SLC12A1: variants seen among roughly 807,000 people sequenced by gnomAD.
SLC12A1 encodes the protein Na-K-2Cl cotransporter.
In SLC12A1, 89 loss-of-function variants were observed where a neutral mutation model predicts 130.4. The observed-to-expected ratio is 0.68, with a 90% CI of 0.58 to 0.81. SLC12A1 has a LOEUF of 0.81. SLC12A1 is among the 40% of genes least tolerant of loss of function. SLC12A1 has a pLI of 0.00. For synonymous variants in SLC12A1, 499 were observed against 460.0 expected, an observed-to-expected ratio of 1.08 and a Z score of -1.09; for missense variants, 1,310 against 1,336.4, an observed-to-expected ratio of 0.98 and a Z score of 0.31.
At chr15:48,228,970 G>A (rs2041331073) in intron 5 of SLC12A1, 1 of 407,322 alleles carries the variant, frequency 2.5e-6, no homozygotes, top group African/African-American at 2.1e-5. Context: ...TAATAGAGTG[G>A]GCTTTATTAA....
chr15:48,294,445 A>G (rs2042154208), intron 24 of SLC12A1, among the ~76,000 whole-genome samples: 1 of 152,080 alleles, frequency 6.6e-6, no homozygotes, highest in Non-Finnish European at 1.5e-5. Flanking sequence ...TTACTTTGTG[A>G]TATTTCTTTA....
chr15:48,299,650 C>T (rs1241003488), intron 25 of SLC12A1, among the ~76,000 whole-genome samples: 2 of 152,158 alleles, frequency 1.3e-5, no homozygotes, highest in African/African-American at 2.4e-5. Flanking sequence ...ATAAGAAATA[C>T]TTTTAACCTG....
intron 2 of SLC12A1, among the ~76,000 whole-genome samples, chr15:48,213,461 T>C (rs558218965): frequency 1.1e-3 from 171 of 152,222 alleles, no homozygotes; most frequent in African/African-American, 4.0e-3. Context: ...AGAGTTTCTG[T>C]GTAAAGTGAG....
chr15:48,249,716 G>C lies in SLC12A1; in HGVS notation c.1786+40G>C, dbSNP rs769575831. 3.6e-6 allele frequency: 5 copies of C among 1,383,376 alleles called. No homozygotes were observed. The Admixed American group carries it at 5.0e-5, about 14-fold the overall frequency. 85.7% of individuals were successfully genotyped at this position (1,383,376 alleles called of 1,614,324 possible). ...AAACTAAAATATGCCTAAGCAAACAGTTAGTTTGTCTCAATAAAACGAAAT... is the reference window on the plus strand; with the variant it reads ...AAACTAAAATATGCCTAAGCAAACACTTAGTTTGTCTCAATAAAACGAAAT... On this transcript the variant is annotated intron_variant, in intron 14 of 26. Transcript: ENST00000380993.
intron 15 of SLC12A1, among the ~76,000 whole-genome samples, chr15:48,254,418 TAATC>T (rs1306706453): frequency 6.6e-6 from 1 of 151,832 alleles, no homozygotes; most frequent in Admixed American, 6.6e-5. Context: ...AATCAACACT[TAATC>T]AATATTGATC....
intron 2 of SLC12A1, among the ~76,000 whole-genome samples, chr15:48,208,881 G>T: frequency 6.6e-6 from 1 of 152,126 alleles, no homozygotes; most frequent in Admixed American, 6.6e-5. Flanking sequence ...AGAAAGGGCA[G>T]AGATTTATAA....
chr15:48,247,746 A>T (rs2041599741), intron 13 of SLC12A1, among the ~76,000 whole-genome samples: 1 of 152,168 alleles, frequency 6.6e-6, no homozygotes, highest in Admixed American at 6.5e-5. Flanking sequence ...CTAAATCTAC[A>T]GTCTCCCCCA....
chr15:48,229,108 A>G, intron 5 of SLC12A1, 81 bp from the exon 6 acceptor site: 3 of 1,411,284 alleles, frequency 2.1e-6, no homozygotes, highest in Non-Finnish European at 2.9e-6. Flanking sequence ...TCACACTGTA[A>G]ATGTTCTCAG....
intron 5 of SLC12A1, chr15:48,227,466 A>G (rs1234740921): frequency 1.6e-5 from 6 of 375,046 alleles, no homozygotes; most frequent in Non-Finnish European, 3.0e-5. Context: ...TGTACCTTGG[A>G]TGAGACCCAC....
At chr15:48,271,772 C>T (rs1429332354) in intron 19 of SLC12A1, among the ~76,000 whole-genome samples, 2 of 152,092 alleles carry the variant, frequency 1.3e-5, no homozygotes, top group African/African-American at 2.4e-5. Context: ...ACCAGGTGAT[C>T]GGGATCAGAA....
Position 48,258,135 on chromosome 15 carries a change from G to A in SLC12A1, c.2043-1065G>A, listed in dbSNP as rs1216885394. Among the ~76,000 whole-genome samples, 6 of 70,800 alleles carry A rather than the reference G, an allele frequency of 8.5e-5. 1 individual carries two copies. The East Asian group carries it at 3.7e-3, about 43-fold the overall frequency. The allele number at this position is 70,800 out of a possible 152,430, so 46.4% of individuals were successfully genotyped here. On this transcript the variant is annotated intron_variant, in intron 16 of 26. Transcript: ENST00000380993. ...CCAGCACTTTGGGAGGCCGAGGCGG[G>A]CGGATCACGAGGTCAGGAGATCGAG... is the stretch of plus-strand genomic sequence containing the variant.
rs2041652041 is a variant in SLC12A1, at chr15:48,251,798, T to C, written c.1942+28T>C. The C allele has an allele frequency of 2.5e-6, 4 of 1,602,734 alleles. No homozygotes were observed. In the Admixed American group the frequency reaches 6.7e-5, roughly 27 times the overall value. ...AAGATAATGACTGTCTGGAATAGCGTTTCCAAATCTCTCTCTAACTACTCA... is the reference window on the plus strand; with the variant it reads ...AAGATAATGACTGTCTGGAATAGCGCTTCCAAATCTCTCTCTAACTACTCA... On this transcript the variant is annotated intron_variant, in intron 15 of 26. Coordinates refer to ENST00000380993, the MANE Select transcript of SLC12A1 (RefSeq NM_000338.3).
intron 20 of SLC12A1, among the ~76,000 whole-genome samples, chr15:48,284,100 A>C (rs1000227475): frequency 6.6e-6 from 1 of 151,996 alleles, no homozygotes; most frequent in Non-Finnish European, 1.5e-5. Flanking sequence ...GCACTGCTTG[A>C]CTCCTGTTCC....
chr15:48,275,142 G>A (rs1028001012), intron 20 of SLC12A1, among the ~76,000 whole-genome samples: 2 of 152,102 alleles, frequency 1.3e-5, no homozygotes, highest in Non-Finnish European at 2.9e-5. Context: ...GTGACTCTTT[G>A]TTTTTTCCCT....
intron 19 of SLC12A1, among the ~76,000 whole-genome samples, chr15:48,274,043 A>G (rs2041925628): frequency 6.6e-6 from 1 of 152,222 alleles, no homozygotes. Context: ...GCCAGTATGT[A>G]GAGTTGCCAT....
chr15:48,241,386 C>T (rs1367620369), intron 9 of SLC12A1, 129 bp from the exon 10 acceptor site: 2 of 743,138 alleles, frequency 2.7e-6, no homozygotes, highest in Non-Finnish European at 4.8e-6. Context: ...TTGCTGTTTG[C>T]TTGATCTTTT....
At chr15:48,250,123 A>T (rs1422722218) in intron 14 of SLC12A1, among the ~76,000 whole-genome samples, 1 of 152,218 alleles carries the variant, frequency 6.6e-6, no homozygotes, top group Non-Finnish European at 1.5e-5. Flanking sequence ...GACAGGCTGC[A>T]TTGATGCTGG....
chr15:48,264,752 G>A (rs140446565), intron 17 of SLC12A1, among the ~76,000 whole-genome samples: 33 of 152,208 alleles, frequency 2.2e-4, no homozygotes, highest in African/African-American at 7.5e-4. Context: ...GAAAAAAGTT[G>A]GAAGGAATAC....
intron 11 of SLC12A1, among the ~76,000 whole-genome samples, chr15:48,245,427 C>T (rs548999615): frequency 3.4e-4 from 51 of 152,230 alleles, no homozygotes; most frequent in African/African-American, 1.2e-3. Flanking sequence ...CTTCCTCTAT[C>T]CCCTCTCTGG....
Sources: gnomAD v4.1 joint callset for allele counts (sites outside exome capture counted in the v4.1 genomes callset) on GRCh38, gnomAD v4.1.1 for gene constraint, MANE v1.5 for transcripts, NCBI Gene and HGNC (gene_info 2026-07-23, HGNC 2026-07-21) for gene names.